MPDZ: variants seen among roughly 807,000 people sequenced by gnomAD.
MPDZ encodes the protein multiple PDZ domain crumbs cell polarity complex component.
Under a neutral mutation model 239.1 loss-of-function variants are expected in MPDZ, and 234 were observed. The ratio of observed to expected loss-of-function variants is 0.98; its 90% confidence interval spans 0.88 to 1.09. MPDZ has a LOEUF of 1.09. Ranked by LOEUF, MPDZ falls within the 50% of genes least tolerant of loss-of-function variation. The pLI, the probability that MPDZ is intolerant of heterozygous loss-of-function variation, is 0.00. For missense variants in MPDZ, 3,175 were observed against 2,510.0 expected (o/e 1.26, Z -5.66); for synonymous variants, 1,048 against 881.3 (o/e 1.19, Z -3.35).
chr9:13,136,949 G>A (rs1946906637), intron 29 of MPDZ, 146 bp from the exon 30 acceptor site: 1 of 451,640 alleles, frequency 2.2e-6, no homozygotes, highest in East Asian at 3.6e-5. Context: ...CCCAAAACAT[G>A]AAACTGACTT....
chr9:13,126,461 T>A (rs1945129090), intron 34 of MPDZ, 55 bp downstream of exon 34: 10 of 1,237,898 alleles, frequency 8.1e-6, no homozygotes, highest in Middle Eastern at 2.0e-4. Context: ...ACAAACACTT[T>A]AATCATGCCC....
chr9:13,161,742 G>A (rs1191703800), intron 23 of MPDZ, among the ~76,000 whole-genome samples: 1 of 152,210 alleles, frequency 6.6e-6, no homozygotes, highest in South Asian at 2.1e-4. Context: ...TCATGGAAAA[G>A]CAGTTTGACA....
At chr9:13,209,275 C>T (rs1957343342) in intron 10 of MPDZ, among the ~76,000 whole-genome samples, 2 of 152,156 alleles carry the variant, frequency 1.3e-5, no homozygotes, top group Non-Finnish European at 2.9e-5. Context: ...ACCTTAACCA[C>T]ACATGTGTGC....
chr9:13,107,180 A>G, intron 46 of MPDZ, 69 bp from the exon 47 acceptor site: 3 of 1,473,776 alleles, frequency 2.0e-6, no homozygotes, highest in Non-Finnish European at 2.7e-6. Flanking sequence ...ACAGAAAAAG[A>G]TCTCAACAGG....
intron 38 of MPDZ, chr9:13,119,871 A>G: frequency 1.8e-6 from 1 of 551,754 alleles, no homozygotes; most frequent in South Asian, 2.1e-5. Flanking sequence ...TCCAATAAGC[A>G]TATTTATTCT....
chr9:13,216,297 G>T (rs1422637855), intron 10 of MPDZ, among the ~76,000 whole-genome samples: 3 of 141,088 alleles, frequency 2.1e-5, no homozygotes, highest in Non-Finnish European at 3.1e-5. Flanking sequence ...AAGAAGCTAG[G>T]TTTTTTTTTT....
At chr9:13,214,991 A>G (rs1236186703) in intron 10 of MPDZ, among the ~76,000 whole-genome samples, 4 of 151,984 alleles carry the variant, frequency 2.6e-5, no homozygotes, top group Non-Finnish European at 1.5e-5. Context: ...GAAAAACACA[A>G]TATTTACCAT....
chr9:13,222,821 T>C (rs983597235), intron 5 of MPDZ, among the ~76,000 whole-genome samples: 2 of 151,864 alleles, frequency 1.3e-5, no homozygotes, highest in Non-Finnish European at 2.9e-5. Flanking sequence ...GGGGATCACA[T>C]CCATAGATTA....
chr9:13,123,994 T>G (rs1022372139), intron 35 of MPDZ, among the ~76,000 whole-genome samples: 1 of 152,326 alleles, frequency 6.6e-6, no homozygotes, highest in South Asian at 2.1e-4. Flanking sequence ...TTTCACACAT[T>G]ATTTTATCAG....
chr9:13,196,019 G>A, intron 13 of MPDZ, 102 bp downstream of exon 13: 1 of 750,976 alleles, frequency 1.3e-6, no homozygotes, highest in Non-Finnish European at 2.1e-6. Context: ...CTGTACATTT[G>A]ATTCTTCTCT....
chr9:13,114,730 T>C (rs1180687258), intron 40 of MPDZ, among the ~76,000 whole-genome samples: 1 of 151,836 alleles, frequency 6.6e-6, no homozygotes, highest in African/African-American at 2.4e-5. Context: ...CGAAACCCCA[T>C]CTCTAATAAA....
At chr9:13,255,201 T>C (rs1969139079) in intron 1 of MPDZ, among the ~76,000 whole-genome samples, 1 of 152,218 alleles carries the variant, frequency 6.6e-6, no homozygotes, top group Admixed American at 6.5e-5. Context: ...AACTTTATCA[T>C]GAAAGTGCAG....
In MPDZ at chr9:13,193,384, T is replaced by A. The variant is rs1224109349; in HGVS notation, c.1657-71A>T. 32 of 1,433,916 alleles carry A rather than the reference T, an allele frequency of 2.2e-5. No individual in the cohort carries two copies. In the Middle Eastern group the frequency reaches 5.8e-4, roughly 26 times the overall value. The allele number at this position is 1,433,916 out of a possible 1,614,324, so 88.8% of individuals were successfully genotyped here. ...TATTTTTACTCATGCACACATTTTA[T>A]GTTTTATGTTTACCCAAAAGTGGTC... On this transcript the variant is annotated intron_variant, in intron 13 of 46. Coordinates refer to ENST00000319217, the MANE Select transcript of MPDZ (RefSeq NM_001378778.1).
In MPDZ at chr9:13,186,392, G is replaced by T; in HGVS notation, c.2365-6C>A. The T allele has an allele frequency of 6.6e-7, 1 of 1,522,212 alleles. No homozygotes were observed. Among genetic ancestry groups the T allele is most frequent in the Non-Finnish European group, 9.0e-7 (1 of 1,117,210 alleles). 94.3% of individuals were successfully genotyped at this position (1,522,212 alleles called of 1,614,324 possible). A position where few individuals can be genotyped will look rare whatever the true frequency, so the allele number is the denominator to read the frequency against. ...TAACCTTCTTCTGGTGAAAGCTGCA[G>T]GGAAAAAATGGTATTCATGGAAAAG... On this transcript the variant is annotated splice_polypyrimidine_tract_variant and splice_region_variant and intron_variant, in intron 17 of 46. Transcript: ENST00000319217.
intron 1 of MPDZ, among the ~76,000 whole-genome samples, chr9:13,268,289 GAAGATTTAGCATGTGTATAGA>G (rs1972228948): frequency 6.6e-6 from 1 of 151,884 alleles, no homozygotes; most frequent in South Asian, 2.1e-4. Flanking sequence ...ATGTGTATAG[GAAGATTTAGCATGTGTATAGA>G]AAGATTTAGC....
chr9:13,175,057 G>C (rs1351079111), intron 21 of MPDZ, among the ~76,000 whole-genome samples: 2 of 152,262 alleles, frequency 1.3e-5, no homozygotes, highest in East Asian at 3.9e-4. Flanking sequence ...GCTGCATTTG[G>C]ACACTCAGAG....
chr9:13,248,136 G>A (rs920888985), intron 2 of MPDZ, among the ~76,000 whole-genome samples: 2 of 150,920 alleles, frequency 1.3e-5, no homozygotes, highest in African/African-American at 4.9e-5. Flanking sequence ...GCTGAGGCAG[G>A]AGAATCACTT....
At chr9:13,239,593 AGTTAAAAACTAGTTGTCT>A (rs1267974854) in intron 3 of MPDZ, among the ~76,000 whole-genome samples, 28 of 152,180 alleles carry the variant, frequency 1.8e-4, no homozygotes, top group Non-Finnish European at 1.5e-4. Flanking sequence ...AATTTACTTA[AGTTAAAAACTAGTTGTCT>A]GGCAAGGAAA....
At chr9:13,166,076 A>T (rs1408821282) in intron 22 of MPDZ, among the ~76,000 whole-genome samples, 1 of 152,146 alleles carries the variant, frequency 6.6e-6, no homozygotes, top group African/African-American at 2.4e-5. Flanking sequence ...AAGTTCCTAC[A>T]ATACACCCCT....
Sources: allele counts gnomAD v4.1 joint callset (sites outside exome capture counted in the v4.1 genomes callset), GRCh38; gene constraint gnomAD v4.1.1; transcripts MANE v1.5; gene names NCBI Gene and HGNC (gene_info 2026-07-23, HGNC 2026-07-21).